Variants in MELK observed in about 807,000 individuals in gnomAD.
The protein encoded by MELK is maternal embryonic leucine zipper kinase, also known as pEg3 kinase.
A neutral mutation model predicts 85.0 loss-of-function variants in MELK; 81 were observed. The observed-to-expected ratio is 0.95, with a 90% CI of 0.80 to 1.15. The LOEUF is 1.15. Ranked by LOEUF, MELK falls within the 50% of genes most tolerant of loss-of-function variation. The pLI, the probability that MELK is intolerant of heterozygous loss-of-function variation, is 0.00. For missense variants in MELK, 754 were observed against 777.5 expected, an observed-to-expected ratio of 0.97 and a Z score of 0.36; for synonymous variants, 252 against 265.0, an observed-to-expected ratio of 0.95 and a Z score of 0.48.
At position 36,677,362 on chromosome 9, in the gene MELK, G is replaced by A. The variant is rs767038029; in HGVS notation, c.*25G>A. 1 of 1,595,432 alleles carries A rather than the reference G, an allele frequency of 6.3e-7. No homozygotes were observed. Among genetic ancestry groups the A allele is most frequent in the Admixed American group, 1.7e-5 (1 of 57,946 alleles). On this transcript the variant is annotated 3_prime_UTR_variant, in exon 18 of 18. Coordinates refer to ENST00000298048, the MANE Select transcript of MELK (RefSeq NM_014791.4). ...ATTGATGGATTCTTCCATCCTGCCG[G>A]ATGAGTGTGGGTGTGATACAGCCTA...
chr9:36,655,326 A>G (rs767802374), intron 12 of MELK, among the ~76,000 whole-genome samples: 4 of 152,190 alleles, frequency 2.6e-5, no homozygotes, highest in Admixed American at 6.5e-5. Context: ...AGAAAGATGG[A>G]AAAGAAGTGG....
intron 8 of MELK, among the ~76,000 whole-genome samples, chr9:36,620,808 T>C (rs12237971): frequency 0.23 from 34,277 of 151,424 alleles, 6,310 homozygotes; most frequent in African/African-American, 0.51. Flanking sequence ...CTTGGCCTCC[T>C]AAAGTGCTGG....
chr9:36,626,871 A>C (rs1048263163), intron 8 of MELK, among the ~76,000 whole-genome samples: 4 of 151,480 alleles, frequency 2.6e-5, no homozygotes, highest in African/African-American at 7.3e-5. Flanking sequence ...AGGCAGGAGA[A>C]TTGCTTGAAC....
chr9:36,607,568 C>G lies in MELK; in HGVS notation c.568-7C>G. ...CAGTAATTTTTCTTTTTCCCTCTTT[C>G]TCTCAGGCAGATGTTTGGAGCATGG... On this transcript the variant is annotated splice_polypyrimidine_tract_variant and splice_region_variant and intron_variant, in intron 7 of 17. Transcript: ENST00000298048. 6.3e-7 allele frequency: 1 copy of G among 1,597,882 alleles called. No individual in the cohort carries two copies.
rs769224721 is a variant in MELK, at chr9:36,643,009, G to A, written c.847G>A (p.Asp283Asn). The A allele has an allele frequency of 6.8e-6, 11 of 1,607,690 alleles. No homozygotes were observed. In the Admixed American group the frequency reaches 8.5e-5, roughly 12 times the overall value. The change falls in exon 11 of 18, where the codon GAT (aspartate) becomes AAT (asparagine). Residue 283 changes from aspartate to asparagine, a missense_variant. Physicochemically the swap from Asp to Asn is conservative, Grantham distance 23. Coordinates refer to ENST00000298048, the MANE Select transcript of MELK (RefSeq NM_014791.4). ...WQSKNPFIHL[D>N]DDCVTELSVH... ...TTTTTTTTTGTAGTTTATTCACCTC[G>A]ATGATGATTGCGTAACAGAACTTTC... is the stretch of plus-strand genomic sequence containing the variant.
chr9:36,652,054 T>TTTA (rs1830762450), intron 12 of MELK, among the ~76,000 whole-genome samples, 177 bp downstream of exon 12: 3 of 144,208 alleles, frequency 2.1e-5, no homozygotes, highest in Non-Finnish European at 3.0e-5. Flanking sequence ...TTTTTTTTTT[T>TTTA]TTTTTTTTTT....
At chr9:36,582,821 G>A (rs1417309187) in intron 2 of MELK, among the ~76,000 whole-genome samples, 1 of 152,152 alleles carries the variant, frequency 6.6e-6, no homozygotes, top group Non-Finnish European at 1.5e-5. Context: ...AGGGAAAATG[G>A]AGTTGCCCTT....
chr9:36,607,709 C>A (rs1375329218), intron 8 of MELK, 36 bp downstream of exon 8: 5 of 1,335,558 alleles, frequency 3.7e-6, no homozygotes, highest in South Asian at 3.5e-5. Context: ...CAATGTAGAA[C>A]TTTTCTATAC....
chr9:36,624,318 A>G (rs923510246), intron 8 of MELK, among the ~76,000 whole-genome samples: 1 of 152,154 alleles, frequency 6.6e-6, no homozygotes, highest in African/African-American at 2.4e-5. Context: ...TAGCTTGTAT[A>G]AGGTCATACA....
At chr9:36,577,611 C>T (rs1351227592) in intron 1 of MELK, among the ~76,000 whole-genome samples, 2 of 151,736 alleles carry the variant, frequency 1.3e-5, no homozygotes, top group Non-Finnish European at 2.9e-5. Context: ...GGATTACAGG[C>T]GTGAGCCACT....
At chr9:36,656,457 A>G (rs960776192) in intron 12 of MELK, among the ~76,000 whole-genome samples, 2 of 152,058 alleles carry the variant, frequency 1.3e-5, no homozygotes, top group African/African-American at 4.8e-5. Context: ...CTTTTTCTGT[A>G]CTGGATGGTC....
At chr9:36,626,355 G>T (rs899337371) in intron 8 of MELK, among the ~76,000 whole-genome samples, 1 of 151,040 alleles carries the variant, frequency 6.6e-6, no homozygotes, top group African/African-American at 2.4e-5. Flanking sequence ...TGATTTAGCA[G>T]GATACAAGAT....
intron 8 of MELK, among the ~76,000 whole-genome samples, chr9:36,609,482 G>C (rs1186755644): frequency 9.5e-5 from 13 of 137,514 alleles, no homozygotes; most frequent in Admixed American, 7.8e-5. Context: ...AGGTCTTGCT[G>C]TGTCACCCAG....
chr9:36,607,871 A>G (rs1042322404), intron 8 of MELK, among the ~76,000 whole-genome samples, 198 bp downstream of exon 8: 3 of 152,170 alleles, frequency 2.0e-5, no homozygotes, highest in Non-Finnish European at 4.4e-5. Flanking sequence ...CTACACTTGT[A>G]TACAGTAGTT....
At position 36,677,509 on chromosome 9, in the gene MELK, G is replaced by C; in HGVS notation, c.*172G>C. 1.8e-6 allele frequency: 1 copy of C among 541,568 alleles called. No individual in the cohort carries two copies. The highest frequency in any genetic ancestry group is 3.0e-6 in the Non-Finnish European group (1 of 330,434). The allele number at this position is 541,568 out of a possible 1,614,324, so 33.5% of individuals were successfully genotyped here. On this transcript the variant is annotated 3_prime_UTR_variant, in exon 18 of 18. Coordinates refer to ENST00000298048, the MANE Select transcript of MELK (RefSeq NM_014791.4). ...AAACAAAAGATATTATTTTGTGTAT[G>C]AATCTAAATCAAGCCCATCTGTCAT... is the stretch of plus-strand genomic sequence containing the variant.
intron 8 of MELK, among the ~76,000 whole-genome samples, chr9:36,617,976 A>G (rs1209090327): frequency 6.6e-6 from 1 of 152,152 alleles, no homozygotes; most frequent in African/African-American, 2.4e-5. Flanking sequence ...AAATAAAAAA[A>G]AAATTAGCTG....
chr9:36,657,169 A>C, intron 12 of MELK, 72 bp from the exon 13 acceptor site: 1 of 1,483,468 alleles, frequency 6.7e-7, no homozygotes, highest in Non-Finnish European at 9.1e-7. Context: ...TCGTTAAGTG[A>C]CGCGTGACTG....
intron 11 of MELK, among the ~76,000 whole-genome samples, chr9:36,650,361 A>G (rs1197629237): frequency 3.3e-5 from 5 of 152,222 alleles, no homozygotes; most frequent in African/African-American, 4.8e-5. Context: ...ATGAAACAGT[A>G]GATGAAAACA....
intron 8 of MELK, among the ~76,000 whole-genome samples, chr9:36,616,387 C>CTTTGTTTTTTTTTTT (rs1826791482): frequency 8.7e-6 from 1 of 114,628 alleles, no homozygotes; most frequent in Non-Finnish European, 1.8e-5. Flanking sequence ...ATGTCAAACT[C>CTTTGTTTTTTTTTTT]TTTTTTTTTT....
Sources: gnomAD v4.1 joint callset for allele counts (sites outside exome capture counted in the v4.1 genomes callset) on GRCh38, gnomAD v4.1.1 for gene constraint, MANE v1.5 for transcripts, NCBI Gene and HGNC (gene_info 2026-07-23, HGNC 2026-07-21) for gene names.